HYDIN: variants seen among roughly 807,000 people sequenced by gnomAD.
HYDIN encodes axonemal central pair apparatus protein HYDIN.
In HYDIN, 132 loss-of-function variants were observed where a neutral mutation model predicts 403.9. That is an observed-to-expected ratio of 0.33 (90% CI 0.28 to 0.38). The LOEUF is 0.38. Among genes scored for constraint, HYDIN ranks in the 10% least tolerant of loss-of-function variants. The pLI, the probability that HYDIN is intolerant of heterozygous loss-of-function variation, is 1.00. For synonymous variants in HYDIN, 1,202 were observed against 1,891.7 expected (o/e 0.64, Z 9.46); for missense variants, 2,827 against 5,009.5 (o/e 0.56, Z 13.15).
chr16:71,078,640 G>A, intron 13 of HYDIN, among the ~76,000 whole-genome samples: 1 of 152,022 alleles, frequency 6.6e-6, no homozygotes, highest in Non-Finnish European at 1.5e-5. Context: ...AGGTAGCTGG[G>A]GCGACAGGTA....
At chr16:71,197,156 C>T (rs1357321408) in intron 1 of HYDIN, among the ~76,000 whole-genome samples, 4 of 152,092 alleles carry the variant, frequency 2.6e-5, no homozygotes, top group African/African-American at 7.2e-5. Flanking sequence ...CAAATCAATA[C>T]CTTATCGTAA....
At chr16:70,849,490 T>A (rs1297755973) in intron 75 of HYDIN, among the ~76,000 whole-genome samples, 1 of 152,168 alleles carries the variant, frequency 6.6e-6, no homozygotes, top group Non-Finnish European at 1.5e-5. Context: ...CACTTTTATT[T>A]ATTTTAGTGG....
At chr16:71,214,470 T>C (rs1197261269) in intron 1 of HYDIN, among the ~76,000 whole-genome samples, 1 of 152,116 alleles carries the variant, frequency 6.6e-6, no homozygotes, top group Non-Finnish European at 1.5e-5. Context: ...ACAAATTAAA[T>C]TATTGGAGGA....
intron 19 of HYDIN, among the ~76,000 whole-genome samples, chr16:71,030,017 C>G (rs541108742): frequency 5.7e-4 from 86 of 152,170 alleles, no homozygotes; most frequent in African/African-American, 1.5e-3. Context: ...CCCACACATA[C>G]CCTCTACACT....
intron 23 of HYDIN, among the ~76,000 whole-genome samples, chr16:71,009,248 T>C (rs1213481837): frequency 9.0e-4 from 128 of 142,928 alleles, no homozygotes; most frequent in Non-Finnish European, 1.4e-3. Flanking sequence ...GGAGGTAATA[T>C]GGCAGAGGGC....
chr16:71,073,031 T>C (rs938462081), intron 13 of HYDIN, among the ~76,000 whole-genome samples: 1 of 152,158 alleles, frequency 6.6e-6, no homozygotes, highest in African/African-American at 2.4e-5. Context: ...ATACTCTCAC[T>C]GGGGATCTTA....
chr16:70,893,558 C>A (rs1352327917), intron 55 of HYDIN: 1 of 150,778 alleles, frequency 6.6e-6, no homozygotes, highest in Non-Finnish European at 1.5e-5. Flanking sequence ...CGCTCTGTTG[C>A]TGAGGCTGGA....
intron 23 of HYDIN, among the ~76,000 whole-genome samples, chr16:71,009,615 T>A (rs1344261309): frequency 6.6e-6 from 1 of 152,026 alleles, no homozygotes; most frequent in Non-Finnish European, 1.5e-5. Flanking sequence ...AAAAGGGACT[T>A]TGCAGATGTG....
At chr16:71,189,414 G>A (rs1481155764) in intron 1 of HYDIN, among the ~76,000 whole-genome samples, 3 of 152,106 alleles carry the variant, frequency 2.0e-5, no homozygotes, top group Admixed American at 2.0e-4. Flanking sequence ...GAACCTTGCT[G>A]TACATCCAGC....
Position 70,979,394 on chromosome 16 carries a change from AGC to A in HYDIN, c.4511-355_4511-354del, listed in dbSNP as rs1221018369. On this transcript the variant is annotated intron_variant, in intron 29 of 85. Transcript: ENST00000393567. ...TAGCACTTAAACCCCTACACCCTGG[AGC>A]TCTCCCAGTGCTGGACAAACCCAGA... is the stretch of plus-strand genomic sequence containing the variant. 2.0e-5 allele frequency among the ~76,000 whole-genome samples: 3 copies of A among 151,978 alleles called. No individual in the cohort carries two copies. In the East Asian group the frequency reaches 5.8e-4, roughly 29 times the overall value.
At chr16:71,038,610 G>A (rs1213796740) in intron 18 of HYDIN, among the ~76,000 whole-genome samples, 10 of 151,978 alleles carry the variant, frequency 6.6e-5, no homozygotes, top group Admixed American at 2.0e-4. Flanking sequence ...GCAGATGACC[G>A]GCACTATGTG....
chr16:71,192,368 C>A (rs1419030753), intron 1 of HYDIN, among the ~76,000 whole-genome samples: 1 of 152,184 alleles, frequency 6.6e-6, no homozygotes, highest in African/African-American at 2.4e-5. Context: ...ATTCTCCACG[C>A]TGCAGCCACA....
rs376575979 is a variant in HYDIN, at chr16:71,184,949, G to C, written c.177C>G (p.Thr59=). ...SEFLKEMSLT[T]EQRLAKTRLM... ...AACGTGTTTTTGCCAGTCTCTGCTCGGTGGTCAGGGACATTTCCTTCAGGA... is the reference window on the plus strand; with the variant it reads ...AACGTGTTTTTGCCAGTCTCTGCTCCGTGGTCAGGGACATTTCCTTCAGGA... The change falls in exon 3 of 86, where the codon ACC becomes ACG. Residue 59 remains threonine (T), a synonymous_variant. Transcript: ENST00000393567. 2 of 1,610,140 alleles carry C rather than the reference G, an allele frequency of 1.2e-6. No individual in the cohort carries two copies. The highest frequency in any genetic ancestry group is 8.5e-7 in the Non-Finnish European group (1 of 1,177,298).
At chr16:70,874,752 G>A (rs894376147) in intron 63 of HYDIN, 65 bp downstream of exon 63, 313 of 1,532,798 alleles carry the variant, frequency 2.0e-4, no homozygotes, top group Non-Finnish European at 2.6e-4. Flanking sequence ...TGGGCCTTGA[G>A]TGGTCCCCTA....
chr16:70,854,610 T>G (rs2038900417), intron 73 of HYDIN, among the ~76,000 whole-genome samples: 1 of 138,228 alleles, frequency 7.2e-6, no homozygotes, highest in Admixed American at 7.3e-5. Flanking sequence ...AGACGGGGTT[T>G]CACCATGTTG....
chr16:71,172,525 T>TA (rs199651952), intron 5 of HYDIN, among the ~76,000 whole-genome samples: 1,585 of 152,194 alleles, frequency 0.01, 26 homozygotes, highest in African/African-American at 0.036. Context: ...TCATTTTTTT[T>TA]AAAAAGTCTG....
chr16:70,978,127 C>T (rs2078940797), intron 30 of HYDIN, among the ~76,000 whole-genome samples: 1 of 152,082 alleles, frequency 6.6e-6, no homozygotes, highest in Non-Finnish European at 1.5e-5. Context: ...CCTTTCCCTC[C>T]CCTCCCCTCC....
intron 38 of HYDIN, among the ~76,000 whole-genome samples, chr16:70,961,463 C>T (rs1380804668): frequency 6.6e-6 from 1 of 152,186 alleles, no homozygotes; most frequent in Non-Finnish European, 1.5e-5. Flanking sequence ...TTTATAATGA[C>T]CAGCAAATGG....
chr16:71,076,089 G>A (rs1457028751), intron 13 of HYDIN: 1 of 202,060 alleles, frequency 4.9e-6, no homozygotes, highest in Non-Finnish European at 1.1e-5. Context: ...CTTGCCATGG[G>A]TCTGCAACAG....
Sources: allele counts gnomAD v4.1 joint callset (sites outside exome capture counted in the v4.1 genomes callset), GRCh38; gene constraint gnomAD v4.1.1; transcripts MANE v1.5; gene names NCBI Gene and HGNC (gene_info 2026-07-23, HGNC 2026-07-21).